WNK1: variants seen among roughly 807,000 people sequenced by gnomAD.
The protein encoded by WNK1 is serine/threonine-protein kinase WNK1.
A neutral mutation model predicts 222.8 loss-of-function variants in WNK1; 38 were observed. That is an observed-to-expected ratio of 0.17 (90% confidence interval 0.13 to 0.22). The LOEUF (loss-of-function observed/expected upper bound fraction) is 0.22, where lower values mean the gene tolerates loss of function less well. WNK1 is among the 10% of genes least tolerant of loss of function. The probability of loss-of-function intolerance (pLI) is 1.00; values close to 1 mark genes in which losing one functional copy is unlikely to be tolerated. For missense variants in WNK1, 2,348 were observed against 2,918.4 expected (o/e 0.80, Z 4.50); for synonymous variants, 1,090 against 1,092.9 (o/e 1.00, Z 0.05).
At chr12:873,802 C>T (rs562629232) in intron 9 of WNK1, among the ~76,000 whole-genome samples, 1 of 152,230 alleles carries the variant, frequency 6.6e-6, no homozygotes, top group South Asian at 2.1e-4. Context: ...CCCAATCCCA[C>T]CTTAGAGAAC....
chr12:908,825 CAGG>C lies in WNK1; in HGVS notation c.*36_*38del. The C allele has an allele frequency of 1.2e-6, 1 of 863,162 alleles. No homozygotes were observed. The allele number at this position is 863,162 out of a possible 1,614,324, so 53.5% of individuals were successfully genotyped here. A position where few individuals can be genotyped will look rare whatever the true frequency, so the allele number is the denominator to read the frequency against. ...GACATTAACTGAATAGATCTGGGGG[CAGG>C]AGATGGAATGCTGAGGGGGTGGGTG... On this transcript the variant is annotated 3_prime_UTR_variant, in exon 28 of 28. Coordinates refer to ENST00000315939, the MANE Select transcript of WNK1 (RefSeq NM_018979.4).
rs1956003596 is a variant in WNK1, at chr12:910,459, A to G, written c.*1667A>G. On this transcript the variant is annotated 3_prime_UTR_variant, in exon 28 of 28. Transcript: ENST00000315939. ...AAATAAATAATACTCCCCGTAAGTA[A>G]TAACTGCAACCAATCAGTGTTATTC... The G allele has an allele frequency of 6.6e-6, 1 of 152,224 alleles. No individual in the cohort carries two copies. The highest frequency in any genetic ancestry group is 1.9e-4 in the East Asian group (1 of 5,204). 9.4% of individuals were successfully genotyped at this position (152,224 alleles called of 1,614,324 possible). A position where few individuals can be genotyped will look rare whatever the true frequency, so the allele number is the denominator to read the frequency against.
At chr12:804,939 TTATATATA>T (rs61588639) in intron 1 of WNK1, among the ~76,000 whole-genome samples, 2 of 146,286 alleles carry the variant, frequency 1.4e-5, no homozygotes, top group Non-Finnish European at 3.0e-5. Flanking sequence ...TTTATAAATA[TTATATATA>T]TATAATATAA....
At chr12:810,164 C>T (rs568386354) in intron 1 of WNK1, among the ~76,000 whole-genome samples, 33 of 151,978 alleles carry the variant, frequency 2.2e-4, no homozygotes, top group Admixed American at 2.2e-3. Context: ...GCAGAATTGC[C>T]TGAACCCGGG....
intron 5 of WNK1, among the ~76,000 whole-genome samples, chr12:858,944 T>C (rs971531991): frequency 6.6e-6 from 1 of 152,198 alleles, no homozygotes; most frequent in Admixed American, 6.5e-5. Flanking sequence ...TTAAAAATTA[T>C]GTTACAATTG....
chr12:754,860 A>T (rs1024484668), intron 1 of WNK1, among the ~76,000 whole-genome samples: 7 of 152,120 alleles, frequency 4.6e-5, no homozygotes, highest in Admixed American at 4.6e-4. Flanking sequence ...TGGATGTTTG[A>T]TGTTGTTCTA....
chr12:865,380 C>A (rs1299771820), intron 8 of WNK1: 9 of 1,527,788 alleles, frequency 5.9e-6, no homozygotes, highest in Non-Finnish European at 7.9e-6. Context: ...TAACTGTAAA[C>A]TTCTGACAAA....
Position 760,135 on chromosome 12 carries a change from T to C in WNK1, c.759+5811T>C, listed in dbSNP as rs987579986. Among the ~76,000 whole-genome samples, 23 of 148,256 alleles carry C rather than the reference T, an allele frequency of 1.6e-4. 4 individuals are homozygous for C. Among genetic ancestry groups the C allele is most frequent in the South Asian group, 1.3e-3 (6 of 4,570 alleles). On this transcript the variant is annotated intron_variant, in intron 1 of 27. Transcript: ENST00000315939. Reference sequence around the variant, plus strand: ...CCTAACATTTTAATTTTGTGACCCATCACCCAAATGCCAATCTTTCTGAAC... The same window carrying C: ...CCTAACATTTTAATTTTGTGACCCACCACCCAAATGCCAATCTTTCTGAAC...
Position 908,842 on chromosome 12 carries a change from AG to A in WNK1, c.*55del, listed in dbSNP as rs1555164644. 1 of 217,898 alleles carries A rather than the reference AG, an allele frequency of 4.6e-6. No homozygotes were observed. The highest frequency in any genetic ancestry group is 9.2e-6 in the Non-Finnish European group (1 of 109,232). 13.5% of individuals were successfully genotyped at this position (217,898 alleles called of 1,614,324 possible). A position where few individuals can be genotyped will look rare whatever the true frequency, so the allele number is the denominator to read the frequency against. On this transcript the variant is annotated 3_prime_UTR_variant, in exon 28 of 28. Coordinates refer to ENST00000315939, the MANE Select transcript of WNK1 (RefSeq NM_018979.4). ...TCTGGGGGCAGGAGATGGAATGCTG[AG>A]GGGGTGGGTGGGGGTGGGAAGTAGC...
intron 4 of WNK1, among the ~76,000 whole-genome samples, chr12:834,100 T>A (rs1395793576): frequency 6.6e-6 from 1 of 152,128 alleles, no homozygotes; most frequent in East Asian, 1.9e-4. Context: ...GGTAGAAGAA[T>A]GGTGAGAGGC....
intron 1 of WNK1, among the ~76,000 whole-genome samples, chr12:792,097 C>T (rs1428781244): frequency 1.3e-5 from 2 of 152,090 alleles, no homozygotes; most frequent in East Asian, 3.9e-4. Flanking sequence ...CATTGCTACT[C>T]CCCTACGCTA....
chr12:754,480 G>C (rs895152057), intron 1 of WNK1, among the ~76,000 whole-genome samples, 156 bp downstream of exon 1: 1 of 152,248 alleles, frequency 6.6e-6, no homozygotes, highest in Non-Finnish European at 1.5e-5. Flanking sequence ...TTAGGAGAAT[G>C]TGGAGCATGT....
intron 26 of WNK1, chr12:900,897 G>A (rs1011967965): frequency 1.6e-4 from 95 of 606,548 alleles, no homozygotes; most frequent in Non-Finnish European, 8.6e-5. Flanking sequence ...ACAGTGAAAA[G>A]TTACATCTGT....
rs895643376 is a variant in WNK1 at position 821,489 on chromosome 12, G to A, written c.933-5553G>A. On this transcript the variant is annotated intron_variant, in intron 2 of 27. Transcript: ENST00000315939. ...GAGATTTCTTGAAGGAATGTTCCAT[G>A]TACAGTTGAGAATATATATTCACTT... Among the ~76,000 whole-genome samples, 5 of 152,218 alleles carry A rather than the reference G, an allele frequency of 3.3e-5. No homozygotes were observed. In the South Asian group the frequency reaches 8.3e-4, roughly 25 times the overall value.
intron 8 of WNK1, among the ~76,000 whole-genome samples, chr12:862,582 C>G (rs563786679): frequency 6.6e-6 from 1 of 152,132 alleles, no homozygotes; most frequent in African/African-American, 2.4e-5. Flanking sequence ...AAATGTTTTG[C>G]GGGTGGGGCG....
intron 1 of WNK1, among the ~76,000 whole-genome samples, chr12:773,615 C>T (rs1279904093): frequency 2.0e-5 from 3 of 152,160 alleles, no homozygotes; most frequent in African/African-American, 7.2e-5. Context: ...GCCTGTTCCT[C>T]CCTCTCATGA....
At chr12:882,915 G>A (rs771792898) in intron 14 of WNK1, 28 bp from the exon 15 acceptor site, 1 of 1,373,600 alleles carries the variant, frequency 7.3e-7, no homozygotes. Context: ...TATGGTCTTT[G>A]GAGATGATGT....
At chr12:907,809 G>A in intron 26 of WNK1, 38 bp from the exon 27 acceptor site, 1 of 1,611,308 alleles carries the variant, frequency 6.2e-7, no homozygotes, top group Non-Finnish European at 8.5e-7. Context: ...TTGTAACCTA[G>A]GCTTCTTTTA....
Position 898,664 on chromosome 12 carries a change from C to T in WNK1, c.6448+983C>T, listed in dbSNP as rs186148707. On this transcript the variant is annotated intron_variant, in intron 25 of 27. Coordinates refer to ENST00000315939, the MANE Select transcript of WNK1 (RefSeq NM_018979.4). ...GCACACAACACAACAGCCTCAAACTCCTAGGCTCAGGTGGTCCTCCTACCT... is the reference window on the plus strand; with the variant it reads ...GCACACAACACAACAGCCTCAAACTTCTAGGCTCAGGTGGTCCTCCTACCT... Among the ~76,000 whole-genome samples the T allele has an allele frequency of 6.8e-4, 103 of 152,102 alleles. 2 individuals carry two copies. The East Asian group carries it at 0.014, about 21-fold the overall frequency.
Sources: gnomAD v4.1 joint callset for allele counts (sites outside exome capture counted in the v4.1 genomes callset) on GRCh38, gnomAD v4.1.1 for gene constraint, MANE v1.5 for transcripts, NCBI Gene and HGNC (gene_info 2026-07-23, HGNC 2026-07-21) for gene names.